Variants in CILP2 observed in about 807,000 individuals in gnomAD.
CILP2 encodes the protein CILP-2.
A neutral mutation model predicts 45.6 loss-of-function variants in CILP2; 38 were observed. That is an observed-to-expected ratio of 0.83 (90% CI 0.64 to 1.09). The LOEUF (loss-of-function observed/expected upper bound fraction) is 1.09, where lower values mean the gene tolerates loss of function less well. Among genes scored for constraint, CILP2 ranks in the 50% least tolerant of loss-of-function variants. The pLI, the probability that CILP2 is intolerant of heterozygous loss-of-function variation, is 0.00. For synonymous variants in CILP2, 780 were observed against 723.5 expected (o/e 1.08, Z -1.25); for missense variants, 1,735 against 1,662.2 (o/e 1.04, Z -0.76).
chr19:19,541,372 C>T, intron 4 of CILP2, 126 bp downstream of exon 4: 5 of 866,844 alleles, frequency 5.8e-6, no homozygotes, highest in Non-Finnish European at 7.6e-6. Flanking sequence ...AGTGCTTCTC[C>T]TGAGCGATGC....
At chr19:19,538,622 G>A (rs2061231421) in intron 1 of CILP2, among the ~76,000 whole-genome samples, 1 of 152,334 alleles carries the variant, frequency 6.6e-6, no homozygotes, top group Admixed American at 6.5e-5. Context: ...CGGGAGTGTG[G>A]ATAAGAACCT....
In CILP2 at chr19:19,538,402, C is replaced by A; in HGVS notation, c.53C>A (p.Ala18Glu). ...LCLCVVAAHL[A>E]GARDATPTEE... is the part of the protein sequence containing the mutation. ...CTCTGTGTCGTCGCTGCGCACCTGG[C>A]GGGGGCCCGAGGTGAGGCGCCTCCA... Residue 18 changes from alanine to glutamate, a missense_variant, in exon 1 of 8, where the codon GCG becomes GAG. Ala to Glu is a moderately radical substitution (Grantham distance 107). Coordinates refer to ENST00000291495, the MANE Select transcript of CILP2 (RefSeq NM_153221.2). The A allele has an allele frequency of 1.3e-6, 2 of 1,557,844 alleles. No homozygotes were observed. The highest frequency in any genetic ancestry group is 1.1e-5 in the South Asian group (1 of 87,360).
chr19:19,540,076 G>C, intron 2 of CILP2, 128 bp from the exon 3 acceptor site: 6 of 1,293,498 alleles, frequency 4.6e-6, no homozygotes, highest in Non-Finnish European at 6.1e-6. Context: ...GCTGGCTCGG[G>C]TCGTGGGCGC....
chr19:19,539,903 G>A (rs1031382774), intron 2 of CILP2, 126 bp downstream of exon 2: 19 of 774,710 alleles, frequency 2.5e-5, no homozygotes, highest in Non-Finnish European at 3.5e-5. Flanking sequence ...CCTGGTCCCC[G>A]GACATGACAG....
In CILP2 at chr19:19,540,245, G is replaced by T; in HGVS notation, c.205G>T (p.Gly69Ter). The T allele has an allele frequency of 6.2e-7, 1 of 1,603,238 alleles. No individual in the cohort carries two copies. The change falls in exon 3 of 8, where the codon GGA (glycine) becomes TGA (stop). Residue 69 changes from glycine to a stop codon, truncating the protein, a stop_gained. Transcript: ENST00000291495. LOFTEE classifies it high-confidence loss of function. ...GTCCTGGTTCAACGTGGACCACCCC[G>T]GAGGCGACGGCGACTTCGAGAGCCT... is the stretch of plus-strand genomic sequence containing the variant. ...WTSWFNVDHP[G>*]GDGDFESLAA...
Position 19,541,238 on chromosome 19 carries a change from G to C in CILP2, c.584G>C (p.Arg195Pro). ...GAGGCGCAGAAGTGCGTGCGGCCTCGGTGTCCAGGTAGGAGGGGCGGGGTC... is the reference window on the plus strand; with the variant it reads ...GAGGCGCAGAAGTGCGTGCGGCCTCCGTGTCCAGGTAGGAGGGGCGGGGTC... Reference protein sequence around the residue: ...PLEAQKCVRPRCPGCSLDTCE... With the variant: ...PLEAQKCVRPPCPGCSLDTCE... The change falls in exon 4 of 8, where the codon CGG becomes CCG. Residue 195 changes from arginine (R) to proline (P), a missense_variant. Physicochemically the swap from Arg to Pro is moderately radical, Grantham distance 103 (BLOSUM62 -2). Coordinates refer to ENST00000291495, the MANE Select transcript of CILP2 (RefSeq NM_153221.2). The C allele has an allele frequency of 7.8e-7, 1 of 1,287,714 alleles. No individual in the cohort carries two copies. The highest frequency in any genetic ancestry group is 3.1e-5 in the South Asian group (1 of 32,466). The allele number at this position is 1,287,714 out of a possible 1,614,324, so 79.8% of individuals were successfully genotyped here.
chr19:19,544,815 G>A lies in CILP2; in HGVS notation c.2270G>A (p.Gly757Asp), dbSNP rs749708663. 6.2e-7 allele frequency: 1 copy of A among 1,603,882 alleles called. No homozygotes were observed. The highest frequency in any genetic ancestry group is 1.3e-5 in the African/African-American group (1 of 75,018). The change falls in exon 8 of 8, where the codon GGC becomes GAC. Residue 757 changes from glycine to aspartate, a missense_variant. By Grantham distance (94) the Gly-to-Asp change is moderately conservative (BLOSUM62 -1). Coordinates refer to ENST00000291495, the MANE Select transcript of CILP2 (RefSeq NM_153221.2). ...TTCACCCCCAGCGAGCAGGTGGAGGGCGTGGTGGTCACGCTGGTCAATCTG... is the reference window on the plus strand; with the variant it reads ...TTCACCCCCAGCGAGCAGGTGGAGGACGTGGTGGTCACGCTGGTCAATCTG... ...DKFTPSEQVE[G>D]VVVTLVNLEP...
Position 19,540,454 on chromosome 19 carries a change from C to T in CILP2, c.414C>T (p.His138=), listed in dbSNP as rs1568368871. ...QPRGRRCSNY[H]VRFRCPLEAS... ...GTGGCCGCCGCTGCTCCAACTACCACGTGCGCTTCCGCTGCCCACTAGGTG... is the reference window on the plus strand; with the variant it reads ...GTGGCCGCCGCTGCTCCAACTACCATGTGCGCTTCCGCTGCCCACTAGGTG... The change falls in exon 3 of 8, where the codon CAC becomes CAT. Residue 138 remains histidine, a synonymous_variant. Transcript: ENST00000291495. The T allele has an allele frequency of 1.4e-6, 2 of 1,387,074 alleles. No individual in the cohort carries two copies. Among genetic ancestry groups the T allele is most frequent in the Non-Finnish European group, 1.9e-6 (2 of 1,066,186 alleles). 85.9% of individuals were successfully genotyped at this position (1,387,074 alleles called of 1,614,324 possible). A position where few individuals can be genotyped will look rare whatever the true frequency, so the allele number is the denominator to read the frequency against.
rs373081380 is a variant in CILP2 at position 19,539,791 on chromosome 19, C to T, written c.163+14C>T. 42 of 1,556,472 alleles carry T rather than the reference C, an allele frequency of 2.7e-5. No homozygotes were observed. The highest frequency in any genetic ancestry group is 4.2e-5 in the African/African-American group (3 of 71,982). ...AGGACTGGGAAGGTGAGTTAGCCTGCCTCGGAGTCCCGTCTCTGCTGCGGG... is the reference window on the plus strand; with the variant it reads ...AGGACTGGGAAGGTGAGTTAGCCTGTCTCGGAGTCCCGTCTCTGCTGCGGG... On this transcript the variant is annotated intron_variant, in intron 2 of 7. Transcript: ENST00000291495.
chr19:19,544,281 C>G lies in CILP2; in HGVS notation c.1736C>G (p.Ala579Gly), dbSNP rs199736818. 5.6e-5 allele frequency: 91 copies of G among 1,613,328 alleles called. No homozygotes were observed. The East Asian group carries it at 2.0e-3, about 35-fold the overall frequency. ...TIPLGELEDE[A>G]PLGELVLPSG... ...CCCCTGGGCGAGCTGGAAGATGAGGCGCCCCTGGGCGAGCTGGTCCTGCCT... is the reference window on the plus strand; with the variant it reads ...CCCCTGGGCGAGCTGGAAGATGAGGGGCCCCTGGGCGAGCTGGTCCTGCCT... Residue 579 changes from alanine (A) to glycine (G), a missense_variant, in exon 8 of 8, where the codon GCG (alanine) becomes GGG (glycine). By Grantham distance (60) the Ala-to-Gly change is moderately conservative. Coordinates refer to ENST00000291495, the MANE Select transcript of CILP2 (RefSeq NM_153221.2).
intron 7 of CILP2, 129 bp downstream of exon 7, chr19:19,543,534 T>TA: frequency 7.4e-7 from 1 of 1,360,086 alleles, no homozygotes; most frequent in Non-Finnish European, 1.0e-6. Context: ...TGAGCCCCCA[T>TA]ACCACTCTGA....
At chr19:19,540,899 A>C in intron 3 of CILP2, 192 bp from the exon 4 acceptor site, 3 of 476,410 alleles carry the variant, frequency 6.3e-6, no homozygotes, top group East Asian at 3.6e-5. Flanking sequence ...GTCGGTACCT[A>C]AACTATGTCT....
intron 7 of CILP2, 52 bp downstream of exon 7, chr19:19,543,457 G>A (rs1018746651): frequency 1.1e-5 from 18 of 1,600,082 alleles, no homozygotes; most frequent in African/African-American, 9.4e-5. Context: ...AACGGAACCC[G>A]GACTGTAGCT....
At position 19,544,859 on chromosome 19, in the gene CILP2, T is replaced by C; in HGVS notation, c.2314T>C (p.Ser772Pro). The C allele has an allele frequency of 6.3e-7, 1 of 1,596,090 alleles. No homozygotes were observed. ...CAATCTGGAGCCCGCCCCCGGCTTC[T>C]CCGCCAACCCCCGTGCCTGGGGCCG... ...LVNLEPAPGF[S>P]ANPRAWGRFD... is the part of the protein sequence containing the mutation. Residue 772 changes from serine to proline, a missense_variant, in exon 8 of 8, where the codon TCC (serine) becomes CCC (proline). Ser to Pro is a moderately conservative substitution (Grantham distance 74, BLOSUM62 -1). Transcript: ENST00000291495.
Position 19,540,459 on chromosome 19 carries a change from G to C in CILP2, c.419G>C (p.Arg140Pro). 6.9e-7 allele frequency: 1 copy of C among 1,439,124 alleles called. No homozygotes were observed. The highest frequency in any genetic ancestry group is 9.1e-7 in the Non-Finnish European group (1 of 1,099,440). 89.1% of individuals were successfully genotyped at this position (1,439,124 alleles called of 1,614,324 possible). A position where few individuals can be genotyped will look rare whatever the true frequency, so the allele number is the denominator to read the frequency against. The change falls in exon 3 of 8, where the codon CGC (arginine) becomes CCC (proline). Residue 140 changes from arginine to proline, a missense_variant. Coordinates refer to ENST00000291495, the MANE Select transcript of CILP2 (RefSeq NM_153221.2). ...RGRRCSNYHVRFRCPLEASWG... is the reference protein window; with the variant it reads ...RGRRCSNYHVPFRCPLEASWG... ...CGCCGCTGCTCCAACTACCACGTGCGCTTCCGCTGCCCACTAGGTGAGGGC... is the reference window on the plus strand; with the variant it reads ...CGCCGCTGCTCCAACTACCACGTGCCCTTCCGCTGCCCACTAGGTGAGGGC...
In CILP2 at chr19:19,538,320, G is replaced by A. The variant is rs750154041; in HGVS notation, c.-30G>A. The A allele has an allele frequency of 3.8e-6, 6 of 1,561,000 alleles. No homozygotes were observed. In the Admixed American group the frequency reaches 5.3e-5, roughly 14 times the overall value. ...TGGACCCGAGCACGCCGCGGAGCCCGGACCCTCCCTCGGACGCTCTGCCCC... is the reference window on the plus strand; with the variant it reads ...TGGACCCGAGCACGCCGCGGAGCCCAGACCCTCCCTCGGACGCTCTGCCCC... On this transcript the variant is annotated 5_prime_UTR_variant, in exon 1 of 8. Transcript: ENST00000291495.
chr19:19,545,005 G>C lies in CILP2; in HGVS notation c.2460G>C (p.Pro820=). 1 of 1,602,420 alleles carries C rather than the reference G, an allele frequency of 6.2e-7. No homozygotes were observed. The highest frequency in any genetic ancestry group is 8.5e-7 in the Non-Finnish European group (1 of 1,178,566). ...CCCTGGGCGGCGAGGAGCTGGAGCCGGCCCCTTCCTTGCCCCGCCCACTCC... is the reference window on the plus strand; with the variant it reads ...CCCTGGGCGGCGAGGAGCTGGAGCCCGCCCCTTCCTTGCCCCGCCCACTCC... ...TATLGGEELE[P]APSLPRPLPA... is the part of the protein sequence containing the mutation. Residue 820 remains proline (P), a synonymous_variant, in exon 8 of 8, where the codon CCG becomes CCC. Coordinates refer to ENST00000291495, the MANE Select transcript of CILP2 (RefSeq NM_153221.2).
chr19:19,539,983 G>A (rs1045838192), intron 2 of CILP2, among the ~76,000 whole-genome samples: 2 of 152,234 alleles, frequency 1.3e-5, no homozygotes, highest in African/African-American at 2.4e-5. Flanking sequence ...AGAGCTCAGC[G>A]CACCGGGATG....
chr19:19,545,615 A>G lies in CILP2; in HGVS notation c.3070A>G (p.Asn1024Asp), dbSNP rs1374380292. Residue 1024 changes from asparagine to aspartate, a missense_variant, in exon 8 of 8, where the codon AAC becomes GAC. Physicochemically the swap from Asn to Asp is conservative, Grantham distance 23. Coordinates refer to ENST00000291495, the MANE Select transcript of CILP2 (RefSeq NM_153221.2). ...PQGSCRRVAVNGLLRDYLTRH... is the reference protein window; with the variant it reads ...PQGSCRRVAVDGLLRDYLTRH... ...GGGCAGCTGCCGGCGCGTGGCCGTC[A>G]ACGGACTCCTTCGGGATTACCTGAC... 6.2e-7 allele frequency: 1 copy of G among 1,608,646 alleles called. No individual in the cohort carries two copies. Among genetic ancestry groups the G allele is most frequent in the Admixed American group, 1.7e-5 (1 of 59,710 alleles).
Sources: gnomAD v4.1 joint callset for allele counts (sites outside exome capture counted in the v4.1 genomes callset) on GRCh38, gnomAD v4.1.1 for gene constraint, MANE v1.5 for transcripts, NCBI Gene and HGNC (gene_info 2026-07-23, HGNC 2026-07-21) for gene names.